The following COMMD10 variants were observed in gnomAD, a reference collection of about 807,000 sequenced individuals.
The protein encoded by COMMD10 is COMM domain containing 10, also known as COMM domain-containing protein 10.
A neutral mutation model predicts 28.9 loss-of-function variants in COMMD10; 33 were observed. The ratio of observed to expected loss-of-function variants is 1.14; its 90% CI spans 0.87 to 1.53. COMMD10 has a LOEUF of 1.53. Ranked by LOEUF, COMMD10 falls within the 40% of genes most tolerant of loss-of-function variation. The pLI, the probability that COMMD10 is intolerant of heterozygous loss-of-function variation, is 0.00. For synonymous variants in COMMD10, 110 were observed against 81.7 expected (o/e 1.35, Z -1.87); for missense variants, 310 against 233.4 (o/e 1.33, Z -2.14).
chr5:116,159,910 ATAGT>A (rs1752861053), intron 5 of COMMD10, among the ~76,000 whole-genome samples: 2 of 152,224 alleles, frequency 1.3e-5, no homozygotes, highest in South Asian at 4.1e-4. Context: ...GCTTAAAAAA[ATAGT>A]TAGAAAACAT....
At chr5:116,238,828 A>G (rs1037675834) in intron 5 of COMMD10, among the ~76,000 whole-genome samples, 5 of 152,218 alleles carry the variant, frequency 3.3e-5, no homozygotes, top group African/African-American at 1.2e-4. Flanking sequence ...ACTGGATAAT[A>G]CATACATCAG....
At chr5:116,220,437 T>C (rs1004828882) in intron 5 of COMMD10, among the ~76,000 whole-genome samples, 24 of 152,142 alleles carry the variant, frequency 1.6e-4, no homozygotes, top group Non-Finnish European at 1.8e-4. Flanking sequence ...ATTTTTTTTT[T>C]CTTTGGAAGA....
chr5:116,205,624 GTA>G (rs1748791460), intron 5 of COMMD10, among the ~76,000 whole-genome samples: 1 of 152,048 alleles, frequency 6.6e-6, no homozygotes, highest in African/African-American at 2.4e-5. Flanking sequence ...AGACACGTGT[GTA>G]TGTTTTTGTG....
At chr5:116,178,618 T>A (rs1204274040) in intron 5 of COMMD10, among the ~76,000 whole-genome samples, 1 of 152,120 alleles carries the variant, frequency 6.6e-6, no homozygotes, top group Non-Finnish European at 1.5e-5. Context: ...AAACATTCAC[T>A]ATTCTAATTC....
At chr5:116,271,248 A>AT (rs1005959108) in intron 5 of COMMD10, among the ~76,000 whole-genome samples, 2 of 145,040 alleles carry the variant, frequency 1.4e-5, no homozygotes, top group Non-Finnish European at 3.0e-5. Flanking sequence ...AGTAAAAACA[A>AT]TTTTTTTTCC....
Position 116,255,110 on chromosome 5 carries a change from A to G in COMMD10, c.511-36407A>G, listed in dbSNP as rs566649290. Among the ~76,000 whole-genome samples the G allele has an allele frequency of 2.8e-3, 427 of 151,842 alleles. 9 individuals are homozygous for G. Among genetic ancestry groups the G allele is most frequent in the Admixed American group, 0.021 (315 of 15,250 alleles). On this transcript the variant is annotated intron_variant, in intron 5 of 6. Transcript: ENST00000274458. ...TTTAAAGTCTGTTTTATCCAAGACT[A>G]GGATTGCAACCCCTGCCTTTTTTTG...
chr5:116,102,375 G>A (rs1433733243), intron 4 of COMMD10, among the ~76,000 whole-genome samples: 7 of 152,050 alleles, frequency 4.6e-5, no homozygotes, highest in Non-Finnish European at 7.4e-5. Context: ...TAAATATGTA[G>A]CTTTATTTCT....
At chr5:116,163,424 A>AAAAAG (rs1283200248) in intron 5 of COMMD10, among the ~76,000 whole-genome samples, 5 of 70,092 alleles carry the variant, frequency 7.1e-5, no homozygotes, top group African/African-American at 6.0e-4. Context: ...ACCTCTACTT[A>AAAAAG]AAAAAAAAAA....
chr5:116,219,428 G>A (rs1163244021), intron 5 of COMMD10, among the ~76,000 whole-genome samples: 1 of 152,076 alleles, frequency 6.6e-6, no homozygotes, highest in African/African-American at 2.4e-5. Context: ...AGACTATCCC[G>A]GGTTATCTAG....
intron 4 of COMMD10, among the ~76,000 whole-genome samples, chr5:116,107,684 G>A (rs1202666744): frequency 6.6e-6 from 1 of 152,112 alleles, no homozygotes; most frequent in Non-Finnish European, 1.5e-5. Context: ...ACTTCTGTCA[G>A]TTCGTCAAAC....
intron 5 of COMMD10, chr5:116,188,502 TCC>T (rs1446001964): frequency 1.3e-5 from 2 of 152,188 alleles, no homozygotes; most frequent in Admixed American, 6.5e-5. Context: ...ATGCTAATCT[TCC>T]CTTTGTCTTT....
At chr5:116,145,866 G>A (rs1056151355) in intron 5 of COMMD10, among the ~76,000 whole-genome samples, 14 of 151,892 alleles carry the variant, frequency 9.2e-5, no homozygotes, top group Admixed American at 3.9e-4. Flanking sequence ...CTTCTGCCAT[G>A]ATTGTAAGTT....
intron 5 of COMMD10, among the ~76,000 whole-genome samples, chr5:116,141,352 G>T (rs1291708558): frequency 6.6e-6 from 1 of 151,710 alleles, no homozygotes; most frequent in African/African-American, 2.4e-5. Flanking sequence ...TTAAAATTAG[G>T]AAGTGTGATA....
At chr5:116,286,110 A>T (rs1751212237) in intron 5 of COMMD10, among the ~76,000 whole-genome samples, 1 of 151,702 alleles carries the variant, frequency 6.6e-6, no homozygotes, top group Non-Finnish European at 1.5e-5. Context: ...CTAGGAATTT[A>T]TCCATCTTGT....
chr5:116,101,882 C>T (rs1282687397), intron 4 of COMMD10, among the ~76,000 whole-genome samples: 1 of 152,054 alleles, frequency 6.6e-6, no homozygotes. Flanking sequence ...TGTCCTTTGC[C>T]CTGTGCCCAC....
At chr5:116,199,858 G>A (rs1327590986) in intron 5 of COMMD10, among the ~76,000 whole-genome samples, 1 of 152,118 alleles carries the variant, frequency 6.6e-6, no homozygotes, top group African/African-American at 2.4e-5. Context: ...GGGATTACAG[G>A]TATGTAGCAC....
intron 5 of COMMD10, among the ~76,000 whole-genome samples, chr5:116,222,181 A>G (rs949960662): frequency 7.2e-5 from 11 of 152,236 alleles, no homozygotes; most frequent in African/African-American, 1.4e-4. Context: ...CTCTTCAGTG[A>G]TAGTCAAATC....
intron 5 of COMMD10, among the ~76,000 whole-genome samples, chr5:116,206,382 G>A (rs1489360211): frequency 6.6e-6 from 1 of 152,038 alleles, no homozygotes; most frequent in Non-Finnish European, 1.5e-5. Flanking sequence ...CGGGCACGGT[G>A]GCTCATGCTT....
chr5:116,201,815 C>A (rs2112623864), intron 5 of COMMD10, among the ~76,000 whole-genome samples: 1 of 152,228 alleles, frequency 6.6e-6, no homozygotes, highest in Non-Finnish European at 1.5e-5. Flanking sequence ...AAGTTACACA[C>A]CCTGCAAGTG....
Sources: allele counts gnomAD v4.1 joint callset (sites outside exome capture counted in the v4.1 genomes callset), GRCh38; gene constraint gnomAD v4.1.1; transcripts MANE v1.5; gene names NCBI Gene and HGNC (gene_info 2026-07-23, HGNC 2026-07-21).